Variants in PTTG1IP observed in about 807,000 individuals in gnomAD.
PTTG1IP encodes the protein pituitary tumor-transforming gene 1 protein-interacting protein.
In PTTG1IP, 16 loss-of-function variants were observed where a neutral mutation model predicts 24.4. That is an observed-to-expected ratio of 0.66 (90% CI 0.44 to 1.00). The LOEUF (loss-of-function observed/expected upper bound fraction) is 1.00, where lower values mean the gene tolerates loss of function less well. Ranked by LOEUF, PTTG1IP falls within the 50% of genes least tolerant of loss-of-function variation. PTTG1IP has a pLI of 0.00. For missense variants in PTTG1IP, 241 were observed against 245.8 expected (o/e 0.98, Z 0.13); for synonymous variants, 89 against 96.8 (o/e 0.92, Z 0.47).
chr21:44,867,140 C>T (rs1302177270), intron 1 of PTTG1IP, among the ~76,000 whole-genome samples: 2 of 152,236 alleles, frequency 1.3e-5, no homozygotes, highest in Non-Finnish European at 2.9e-5. Flanking sequence ...GAATAGCAAA[C>T]ATGCGGCTCT....
chr21:44,871,478 C>T (rs1035585773), intron 1 of PTTG1IP, among the ~76,000 whole-genome samples: 1 of 152,200 alleles, frequency 6.6e-6, no homozygotes, highest in African/African-American at 2.4e-5. Context: ...GAATCTTGCT[C>T]TAAAGATCTT....
At chr21:44,872,426 A>G (rs1435761535) in intron 1 of PTTG1IP, among the ~76,000 whole-genome samples, 4 of 152,250 alleles carry the variant, frequency 2.6e-5, no homozygotes, top group African/African-American at 9.6e-5. Context: ...AGAGCTGAGA[A>G]AAGTATTAGC....
rs147815634 is a variant in PTTG1IP, at chr21:44,866,142, G to A, written c.116-695C>T. Reference sequence around the variant, plus strand: ...GCTCTGGAACTCAAGCCAGTCAGAAGCAAGAGCGACTGCATGAGTAACTTC... The same window carrying A: ...GCTCTGGAACTCAAGCCAGTCAGAAACAAGAGCGACTGCATGAGTAACTTC... On this transcript the variant is annotated intron_variant, in intron 1 of 5. Coordinates refer to ENST00000330938, the MANE Select transcript of PTTG1IP (RefSeq NM_004339.4). 3.6e-3 allele frequency among the ~76,000 whole-genome samples: 544 copies of A among 151,872 alleles called. 6 individuals carry two copies. Among genetic ancestry groups the A allele is most frequent in the African/African-American group, 0.013 (524 of 41,376 alleles).
At chr21:44,854,714 A>G (rs896168735) in intron 5 of PTTG1IP, among the ~76,000 whole-genome samples, 2 of 152,190 alleles carry the variant, frequency 1.3e-5, no homozygotes, top group African/African-American at 4.8e-5. Flanking sequence ...CTCCTCTCCA[A>G]AATCTCTCCA....
At chr21:44,859,398 T>G (rs1363280940) in intron 3 of PTTG1IP, among the ~76,000 whole-genome samples, 1 of 151,586 alleles carries the variant, frequency 6.6e-6, no homozygotes, top group Non-Finnish European at 1.5e-5. Context: ...CGCACACACG[T>G]GTGCATTATG....
chr21:44,866,751 C>G (rs1256009158), intron 1 of PTTG1IP, among the ~76,000 whole-genome samples: 1 of 152,070 alleles, frequency 6.6e-6, no homozygotes, highest in African/African-American at 2.4e-5. Flanking sequence ...CACCAGTCAC[C>G]AGACAAAGGC....
intron 2 of PTTG1IP, among the ~76,000 whole-genome samples, chr21:44,863,222 A>G (rs1222391420): frequency 2.4e-5 from 3 of 127,550 alleles, no homozygotes; most frequent in Middle Eastern, 4.0e-3. Flanking sequence ...GCAGAGACAC[A>G]GCCCACCACG....
intron 1 of PTTG1IP, among the ~76,000 whole-genome samples, chr21:44,871,080 G>A (rs898021235): frequency 6.6e-6 from 1 of 152,240 alleles, no homozygotes; most frequent in African/African-American, 2.4e-5. Flanking sequence ...CAACTACATT[G>A]TCAATTCCAG....
intron 4 of PTTG1IP, 119 bp downstream of exon 4, chr21:44,856,074 C>T (rs2083447467): frequency 1.9e-6 from 3 of 1,587,994 alleles, no homozygotes; most frequent in East Asian, 4.5e-5. Context: ...GGGCACTATA[C>T]ACATTCTTAA....
chr21:44,856,317 G>A lies in PTTG1IP; in HGVS notation c.325C>T (p.Leu109Phe). ...CAGCAGATGGCAATGCCCAGGAGGA[G>A]GGTTCCCCCGACTACCGACATGGTG... is the stretch of plus-strand genomic sequence containing the variant. ...IITMSVVGGTLLLGIAICCCC... is the reference protein window; with the variant it reads ...IITMSVVGGTFLLGIAICCCC... The change falls in exon 4 of 6, where the codon CTC becomes TTC. Residue 109 changes from leucine (L) to phenylalanine (F), a missense_variant. By Grantham distance (22) the Leu-to-Phe change is conservative. Transcript: ENST00000330938. 6 of 1,614,134 alleles carry A rather than the reference G, an allele frequency of 3.7e-6. No individual in the cohort carries two copies. Among genetic ancestry groups the A allele is most frequent in the Non-Finnish European group, 3.4e-6 (4 of 1,180,008 alleles).
At chr21:44,860,707 C>T (rs189387937) in intron 3 of PTTG1IP, among the ~76,000 whole-genome samples, 3 of 152,318 alleles carry the variant, frequency 2.0e-5, no homozygotes, top group Admixed American at 6.5e-5. Context: ...GCTGCTTTCC[C>T]GGTCAGCAGA....
In PTTG1IP at chr21:44,856,302, C is replaced by T. The variant is rs1292179885; in HGVS notation, c.340G>A (p.Ala114Thr). Residue 114 changes from alanine to threonine, a missense_variant, in exon 4 of 6, where the codon GCC becomes ACC. Ala to Thr is a moderately conservative substitution (Grantham distance 58). Coordinates refer to ENST00000330938, the MANE Select transcript of PTTG1IP (RefSeq NM_004339.4). ...CTGCAGCAGCAGCAGCAGCAGATGG[C>T]AATGCCCAGGAGGAGGGTTCCCCCG... ...VVGGTLLLGI[A>T]ICCCCCCRRK... The T allele has an allele frequency of 4.3e-6, 7 of 1,614,156 alleles. No individual in the cohort carries two copies. The highest frequency in any genetic ancestry group is 5.9e-6 in the Non-Finnish European group (7 of 1,180,008).
At chr21:44,851,763 T>C in intron 5 of PTTG1IP, 136 bp from the exon 6 acceptor site, 3 of 1,071,706 alleles carry the variant, frequency 2.8e-6, no homozygotes, top group Non-Finnish European at 4.0e-6. Context: ...CAGGCTCTCA[T>C]ACAGTGCTTA....
At chr21:44,853,182 G>A (rs1335620234) in intron 5 of PTTG1IP, among the ~76,000 whole-genome samples, 1 of 152,168 alleles carries the variant, frequency 6.6e-6, no homozygotes, top group Non-Finnish European at 1.5e-5. Flanking sequence ...GCGTGTGCGT[G>A]TGTGTGTATC....
Position 44,850,361 on chromosome 21 carries a change from G to C in PTTG1IP, c.*1220C>G, listed in dbSNP as rs2083402310. ...TGCTTTCCCTGCCACGAAGCGCTTG[G>C]TCTGCTTACTAAAGCCACGTATCCT... On this transcript the variant is annotated 3_prime_UTR_variant, in exon 6 of 6. Transcript: ENST00000330938. 6.6e-6 allele frequency: 1 copy of C among 152,230 alleles called. No homozygotes were observed. The highest frequency in any genetic ancestry group is 6.5e-5 in the Admixed American group (1 of 15,280). The allele number at this position is 152,230 out of a possible 1,614,324, so 9.4% of individuals were successfully genotyped here.
At chr21:44,856,104 A>G in intron 4 of PTTG1IP, 89 bp downstream of exon 4, 1 of 1,610,484 alleles carries the variant, frequency 6.2e-7, no homozygotes. Context: ...ACTGAGGAAA[A>G]CTCAGGATGT....
chr21:44,858,739 A>T (rs2146458606), intron 3 of PTTG1IP, among the ~76,000 whole-genome samples: 1 of 152,250 alleles, frequency 6.6e-6, no homozygotes, highest in South Asian at 2.1e-4. Context: ...TTCACAAGAG[A>T]ATTGTCAAAA....
At chr21:44,864,252 G>A (rs912666628) in intron 2 of PTTG1IP, among the ~76,000 whole-genome samples, 6 of 152,248 alleles carry the variant, frequency 3.9e-5, no homozygotes, top group African/African-American at 1.4e-4. Context: ...TTCCCGTGCT[G>A]ATTTCATAGC....
At chr21:44,866,660 A>G (rs1001171938) in intron 1 of PTTG1IP, among the ~76,000 whole-genome samples, 1 of 138,742 alleles carries the variant, frequency 7.2e-6, no homozygotes, top group Admixed American at 7.0e-5. Context: ...ACACACACAG[A>G]CTGCCTACTC....
Sources: allele counts gnomAD v4.1 joint callset (sites outside exome capture counted in the v4.1 genomes callset), GRCh38; gene constraint gnomAD v4.1.1; transcripts MANE v1.5; gene names NCBI Gene and HGNC (gene_info 2026-07-23, HGNC 2026-07-21).